Variants in NINJ2 observed in about 807,000 individuals in gnomAD.
NINJ2 encodes the protein ninjurin 2, also known as ninjurin-2.
Under a neutral mutation model 11.7 loss-of-function variants are expected in NINJ2, and 12 were observed. The ratio of observed to expected loss-of-function variants is 1.02; its 90% CI spans 0.66 to 1.66. NINJ2 has a LOEUF of 1.66. NINJ2 is among the 40% of genes most tolerant of loss of function. The pLI, the probability that NINJ2 is intolerant of heterozygous loss-of-function variation, is 0.00. For synonymous variants in NINJ2, 93 were observed against 76.8 expected, an observed-to-expected ratio of 1.21 and a Z score of -1.10; for missense variants, 187 against 181.8, an observed-to-expected ratio of 1.03 and a Z score of -0.16.
intron 1 of NINJ2, among the ~76,000 whole-genome samples, chr12:662,423 A>T (rs1301541505): frequency 6.6e-6 from 1 of 152,166 alleles, no homozygotes; most frequent in South Asian, 2.1e-4. Context: ...AGAGAGAGAG[A>T]GAGAGAGAGA....
At chr12:598,785 G>A (rs537559491) in intron 1 of NINJ2, among the ~76,000 whole-genome samples, 7 of 151,938 alleles carry the variant, frequency 4.6e-5, no homozygotes, top group African/African-American at 1.4e-4. Flanking sequence ...CTGGAGCCCC[G>A]ACTTCCTGGG....
intron 1 of NINJ2, among the ~76,000 whole-genome samples, chr12:601,487 A>G (rs4561262): frequency 0.64 from 95,301 of 148,748 alleles, 30,228 homozygotes; most frequent in Middle Eastern, 0.79. Flanking sequence ...GGCGGAGCTT[A>G]CAGTGAGCCA....
chr12:601,358 A>G lies in NINJ2; in HGVS notation c.34-35180T>C, dbSNP rs923965789. Among the ~76,000 whole-genome samples the G allele has an allele frequency of 1.2e-3, 172 of 149,036 alleles. 2 individuals are homozygous for G. The East Asian group carries it at 0.02, about 17-fold the overall frequency. ...TCAGGAGATCGAGACCATCCTGGCT[A>G]ACACAGTGAAACCCCGTCTCTACTA... On this transcript the variant is annotated intron_variant, in intron 1 of 3. Coordinates refer to ENST00000305108, the MANE Select transcript of NINJ2 (RefSeq NM_016533.6).
intron 3 of NINJ2, 71 bp downstream of exon 3, chr12:565,146 C>G (rs1947273882): frequency 7.7e-7 from 1 of 1,301,802 alleles, no homozygotes; most frequent in African/African-American, 1.5e-5. Context: ...TTTCTTGCCC[C>G]AAAGCCCCAG....
Position 585,761 on chromosome 12 carries a change from G to A in NINJ2, c.34-19583C>T, listed in dbSNP as rs1285068810. 6.6e-6 allele frequency: 1 copy of A among 152,274 alleles called. No individual in the cohort carries two copies. Among genetic ancestry groups the A allele is most frequent in the Non-Finnish European group, 1.5e-5 (1 of 68,080 alleles). 9.4% of individuals were successfully genotyped at this position (152,274 alleles called of 1,614,324 possible). A position where few individuals can be genotyped will look rare whatever the true frequency, so the allele number is the denominator to read the frequency against. On this transcript the variant is annotated intron_variant, in intron 1 of 3. Coordinates refer to ENST00000305108, the MANE Select transcript of NINJ2 (RefSeq NM_016533.6). The surrounding 1 kb of genome is among the most constrained non-coding windows in gnomAD (Gnocchi z 4.1). ...TATTTGGGGCAAGTCAGAGTACAGA[G>A]GGCATGGCTTAGAAAGGAATAGCTC... is the stretch of plus-strand genomic sequence containing the variant.
chr12:648,955 A>G (rs1455336861), intron 1 of NINJ2, among the ~76,000 whole-genome samples: 3 of 148,034 alleles, frequency 2.0e-5, no homozygotes, highest in Non-Finnish European at 3.0e-5. Flanking sequence ...TTCAATGACT[A>G]TATTTTCAAA....
At chr12:652,185 A>G (rs1214868424) in intron 1 of NINJ2, among the ~76,000 whole-genome samples, 2 of 152,216 alleles carry the variant, frequency 1.3e-5, no homozygotes, top group Non-Finnish European at 2.9e-5. Context: ...CAAGAAAAAA[A>G]AATCTTACCT....
At chr12:594,403 T>G (rs539309815) in intron 1 of NINJ2, among the ~76,000 whole-genome samples, 32 of 152,342 alleles carry the variant, frequency 2.1e-4, no homozygotes, top group African/African-American at 7.7e-4. Flanking sequence ...ACAGATATTA[T>G]GTATCAATAA....
chr12:658,766 T>A (rs1370745270), intron 1 of NINJ2, among the ~76,000 whole-genome samples: 1 of 152,078 alleles, frequency 6.6e-6, no homozygotes. Context: ...GCTATAGCGG[T>A]GGAAACATGT....
intron 1 of NINJ2, among the ~76,000 whole-genome samples, chr12:605,770 C>T (rs1028429352): frequency 6.6e-6 from 1 of 152,094 alleles, no homozygotes; most frequent in African/African-American, 2.4e-5. Flanking sequence ...TAATATGGTT[C>T]GGAACTCAAA....
At chr12:604,154 G>A (rs1382387140) in intron 1 of NINJ2, among the ~76,000 whole-genome samples, 2 of 152,166 alleles carry the variant, frequency 1.3e-5, no homozygotes, top group Non-Finnish European at 2.9e-5. Flanking sequence ...ACAGTTCTAG[G>A]ATCAGCTCTG....
At chr12:653,074 G>A (rs1755116992) in intron 1 of NINJ2, among the ~76,000 whole-genome samples, 1 of 125,218 alleles carries the variant, frequency 8.0e-6, no homozygotes, top group South Asian at 2.6e-4. Context: ...AGGCTGGAGT[G>A]CAGTGGTGCG....
At chr12:661,669 T>C (rs1937959726) in intron 1 of NINJ2, among the ~76,000 whole-genome samples, 1 of 152,192 alleles carries the variant, frequency 6.6e-6, no homozygotes, top group South Asian at 2.1e-4. Context: ...AACTTGCTCT[T>C]CTGAGAATGA....
At chr12:639,088 G>A (rs1382600789) in intron 1 of NINJ2, among the ~76,000 whole-genome samples, 1 of 151,928 alleles carries the variant, frequency 6.6e-6, no homozygotes, top group Non-Finnish European at 1.5e-5. Flanking sequence ...GGAAGTAAAA[G>A]AAACAAGGGC....
At chr12:570,646 CTT>C (rs1947363460) in intron 1 of NINJ2, among the ~76,000 whole-genome samples, 2 of 152,150 alleles carry the variant, frequency 1.3e-5, no homozygotes, top group Non-Finnish European at 2.9e-5. Flanking sequence ...TCGCCGGACT[CTT>C]CGCCGCTGGC....
At chr12:599,165 T>A (rs1472061115) in intron 1 of NINJ2, among the ~76,000 whole-genome samples, 1 of 151,800 alleles carries the variant, frequency 6.6e-6, no homozygotes. Flanking sequence ...ATGGATCACC[T>A]GAGGTCAGGA....
rs140284117 is a variant in NINJ2 at position 595,513 on chromosome 12, G to A, written c.34-29335C>T. Among the ~76,000 whole-genome samples the A allele has an allele frequency of 6.2e-3, 942 of 152,286 alleles. 3 individuals carry two copies. The highest frequency in any genetic ancestry group is 9.1e-3 in the Non-Finnish European group (619 of 68,024). On this transcript the variant is annotated intron_variant, in intron 1 of 3. Coordinates refer to ENST00000305108, the MANE Select transcript of NINJ2 (RefSeq NM_016533.6). ...ATATTGGCCAGGCGTGGTGGCTCACGACTGTAATCCCAGCACTTTGGGAGG... is the reference window on the plus strand; with the variant it reads ...ATATTGGCCAGGCGTGGTGGCTCACAACTGTAATCCCAGCACTTTGGGAGG...
intron 1 of NINJ2, among the ~76,000 whole-genome samples, chr12:631,488 C>G (rs555053783): frequency 2.0e-5 from 3 of 152,160 alleles, no homozygotes; most frequent in Non-Finnish European, 4.4e-5. Context: ...CTCAGCCTCC[C>G]GAGTAGCTGG....
At chr12:662,434 C>G (rs1040287217) in intron 1 of NINJ2, among the ~76,000 whole-genome samples, 3 of 138,408 alleles carry the variant, frequency 2.2e-5, no homozygotes, top group Non-Finnish European at 4.5e-5. Flanking sequence ...GAGAGAGAGA[C>G]GCGTGCACAT....
Sources: allele counts gnomAD v4.1 joint callset (sites outside exome capture counted in the v4.1 genomes callset), GRCh38; gene constraint gnomAD v4.1.1; non-coding constraint Gnocchi (gnomAD v3.1); transcripts MANE v1.5; gene names NCBI Gene and HGNC (gene_info 2026-07-23, HGNC 2026-07-21).